DENND5B: variants seen among roughly 807,000 people sequenced by gnomAD.
DENND5B encodes DENN domain-containing protein 5B.
DENND5B carries 34 observed loss-of-function variants against 140.6 expected under a neutral mutation model. The ratio of observed to expected loss-of-function variants is 0.24; its 90% CI spans 0.18 to 0.32. The LOEUF (loss-of-function observed/expected upper bound fraction) is 0.32, where lower values mean the gene tolerates loss of function less well. Ranked by LOEUF, DENND5B falls within the 10% of genes least tolerant of loss-of-function variation. DENND5B has a pLI of 1.00. For missense variants in DENND5B, 1,142 were observed against 1,560.2 expected (o/e 0.73, Z 4.52); for synonymous variants, 551 against 562.1 (o/e 0.98, Z 0.28).
At chr12:31,500,470 A>G in intron 1 of DENND5B, 1 of 436,652 alleles carries the variant, frequency 2.3e-6, no homozygotes, top group South Asian at 1.6e-5. Flanking sequence ...GCTTGAGGTC[A>G]GGAGTTCGAG....
chr12:31,441,700 A>G (rs150575592), intron 7 of DENND5B, among the ~76,000 whole-genome samples: 3 of 151,824 alleles, frequency 2.0e-5, no homozygotes, highest in Admixed American at 2.0e-4. Flanking sequence ...TTTTAATACT[A>G]TTTTTATTTT....
chr12:31,521,881 C>T lies in DENND5B; in HGVS notation c.128-25962G>A, dbSNP rs184386211. Reference sequence around the variant, plus strand: ...TTGCCAAAATCATCTTCTTAATATGCTAATCTGATCATTATAATCCCCTGC... The same window carrying T: ...TTGCCAAAATCATCTTCTTAATATGTTAATCTGATCATTATAATCCCCTGC... On this transcript the variant is annotated intron_variant, in intron 1 of 20. Coordinates refer to ENST00000389082, the MANE Select transcript of DENND5B (RefSeq NM_144973.4). 2.1e-4 allele frequency among the ~76,000 whole-genome samples: 32 copies of T among 152,308 alleles called. No homozygotes were observed. In the East Asian group the frequency reaches 3.9e-3, roughly 18 times the overall value.
chr12:31,587,922 A>G (rs772746371), intron 1 of DENND5B, among the ~76,000 whole-genome samples: 16 of 152,110 alleles, frequency 1.1e-4, no homozygotes, highest in Non-Finnish European at 2.1e-4. Context: ...TCTACCCAAC[A>G]TGGCAGCCAC....
chr12:31,399,432 C>T (rs1345444619), intron 16 of DENND5B, among the ~76,000 whole-genome samples: 1 of 151,716 alleles, frequency 6.6e-6, no homozygotes. Flanking sequence ...GCGTACACCA[C>T]CATGCCCTGC....
chr12:31,474,169 C>T (rs1945684835), intron 3 of DENND5B, among the ~76,000 whole-genome samples: 1 of 152,196 alleles, frequency 6.6e-6, no homozygotes, highest in African/African-American at 2.4e-5. Flanking sequence ...CAGACAAGCA[C>T]TGCAAAGGCA....
rs1945982053 is a variant in DENND5B, at chr12:31,479,718, G to A, written c.775C>T (p.Pro259Ser). 1 of 1,598,134 alleles carries A rather than the reference G, an allele frequency of 6.3e-7. No individual in the cohort carries two copies. Among genetic ancestry groups the A allele is most frequent in the South Asian group, 1.1e-5 (1 of 88,342 alleles). ...GAGAGGGGGAGTTCACTGGGCCCAG[G>A]CCTCTGGCAGATGACAGGTTCATAA... The part of the protein sequence containing the change: ...GVYEPVICQR[P>S]GPSELPLSDY... The change falls in exon 3 of 21, where the codon CCT becomes TCT. Residue 259 changes from proline (P) to serine (S), a missense_variant. By Grantham distance (74) the Pro-to-Ser change is moderately conservative. This residue lies in a region of DENND5B where 708 missense variants were observed against 905.5 expected (regional missense o/e 0.78). Coordinates refer to ENST00000389082, the MANE Select transcript of DENND5B (RefSeq NM_144973.4).
intron 1 of DENND5B, among the ~76,000 whole-genome samples, chr12:31,501,194 G>A (rs1320213140): frequency 5.9e-5 from 9 of 152,186 alleles, no homozygotes; most frequent in South Asian, 2.1e-4. Flanking sequence ...TATGGGGTTG[G>A]TTACCTCCAT....
At position 31,425,188 on chromosome 12, in the gene DENND5B, T is replaced by G. The variant is rs561725218; in HGVS notation, c.2239-501A>C. 4.6e-5 allele frequency among the ~76,000 whole-genome samples: 7 copies of G among 152,326 alleles called. No homozygotes were observed. In the South Asian group the frequency reaches 1.2e-3, roughly 27 times the overall value. On this transcript the variant is annotated intron_variant, in intron 9 of 20. Coordinates refer to ENST00000389082, the MANE Select transcript of DENND5B (RefSeq NM_144973.4). ...TAGCCGGGCAGTAGTGGCACACGCC[T>G]GTAATCCCAGTTATTTGGGAGGCTG...
chr12:31,439,695 CGAGGTGGGCGGATAACCT>C (rs1943939692), intron 7 of DENND5B, among the ~76,000 whole-genome samples: 1 of 151,912 alleles, frequency 6.6e-6, no homozygotes, highest in African/African-American at 2.4e-5. Context: ...TTTGGGAGGC[CGAGGTGGGCGGATAACCT>C]GAGGTCAGGA....
chr12:31,388,847 T>C (rs537428092), intron 20 of DENND5B, among the ~76,000 whole-genome samples: 1 of 152,302 alleles, frequency 6.6e-6, no homozygotes, highest in East Asian at 1.9e-4. Context: ...TATATAAGGT[T>C]TACTTAGTAA....
chr12:31,540,795 C>T (rs1948660539), intron 1 of DENND5B: 1 of 157,960 alleles, frequency 6.3e-6, no homozygotes, highest in Admixed American at 6.5e-5. Context: ...TACCTGACTT[C>T]AAATTATACT....
At chr12:31,388,273 G>A (rs755741912) in intron 20 of DENND5B, among the ~76,000 whole-genome samples, 25 of 146,210 alleles carry the variant, frequency 1.7e-4, no homozygotes, top group Non-Finnish European at 3.1e-4. Flanking sequence ...AACAGGGTGA[G>A]GAACAAAATC....
intron 1 of DENND5B, among the ~76,000 whole-genome samples, chr12:31,578,237 A>G (rs1950092015): frequency 1.3e-5 from 2 of 151,814 alleles, no homozygotes; most frequent in Admixed American, 1.3e-4. Context: ...TTTTATTGTA[A>G]TTTATAAATA....
intron 2 of DENND5B, among the ~76,000 whole-genome samples, chr12:31,485,778 C>T (rs56234529): frequency 0.13 from 20,395 of 151,998 alleles, 1,618 homozygotes; most frequent in Non-Finnish European, 0.18. Flanking sequence ...CCTGGTAACA[C>T]ACTCTGGGAG....
chr12:31,538,171 G>C (rs983752457), intron 1 of DENND5B, among the ~76,000 whole-genome samples: 1 of 152,102 alleles, frequency 6.6e-6, no homozygotes, highest in Non-Finnish European at 1.5e-5. Context: ...GGACCTAATA[G>C]ATACATACAT....
In DENND5B at chr12:31,392,348, C is replaced by T; in HGVS notation, c.3385G>A (p.Ala1129Thr). The T allele has an allele frequency of 1.9e-6, 3 of 1,613,750 alleles. No individual in the cohort carries two copies. In the Admixed American group the frequency reaches 5.0e-5, roughly 27 times the overall value. ...VLLCGENGLVAALEQVFHHGF... is the reference protein window; with the variant it reads ...VLLCGENGLVTALEQVFHHGF... ...TGGTGGAAAACTTGCTCAAGGGCTGCAACCAGGCCATTTTCTCCACACAGC... is the reference window on the plus strand; with the variant it reads ...TGGTGGAAAACTTGCTCAAGGGCTGTAACCAGGCCATTTTCTCCACACAGC... Residue 1129 changes from alanine to threonine, a missense_variant, in exon 19 of 21, where the codon GCA becomes ACA. By Grantham distance (58) the Ala-to-Thr change is moderately conservative (BLOSUM62 0). Transcript: ENST00000389082.
At chr12:31,395,056 G>A (rs903113316) in intron 17 of DENND5B, among the ~76,000 whole-genome samples, 3 of 152,132 alleles carry the variant, frequency 2.0e-5, no homozygotes, top group Non-Finnish European at 4.4e-5. Flanking sequence ...ACCAGTTGAT[G>A]TATATTGGGG....
Position 31,398,346 on chromosome 12 carries a change from A to C in DENND5B, c.3085T>G (p.Trp1029Gly), listed in dbSNP as rs1462895198. ...CCATCATCAATGCCTTTCCCCAGCCACCGCCCACATGGGAATCTGGTAGGA... is the reference window on the plus strand; with the variant it reads ...CCATCATCAATGCCTTTCCCCAGCCCCCGCCCACATGGGAATCTGGTAGGA... ...GHTYRFPCGR[W>G]LGKGIDDGSL... is the part of the protein sequence containing the mutation. The change falls in exon 17 of 21, where the codon TGG (tryptophan) becomes GGG (glycine). Residue 1029 changes from tryptophan (W) to glycine (G), a missense_variant. This residue lies in a region of DENND5B where 268 missense variants were observed against 349.2 expected (regional missense o/e 0.77). Transcript: ENST00000389082. 1 of 1,547,614 alleles carries C rather than the reference A, an allele frequency of 6.5e-7. No individual in the cohort carries two copies. Among genetic ancestry groups the C allele is most frequent in the Non-Finnish European group, 8.7e-7 (1 of 1,146,186 alleles).
intron 14 of DENND5B, among the ~76,000 whole-genome samples, chr12:31,408,582 G>C (rs908363692): frequency 7.7e-6 from 1 of 130,568 alleles, no homozygotes; most frequent in Non-Finnish European, 1.6e-5. Flanking sequence ...AGCTGAGATC[G>C]TGCCACTGCA....
Sources: allele counts gnomAD v4.1 joint callset (sites outside exome capture counted in the v4.1 genomes callset), GRCh38; gene constraint gnomAD v4.1.1; regional missense constraint gnomAD v4.1.1; transcripts MANE v1.5; gene names NCBI Gene and HGNC (gene_info 2026-07-23, HGNC 2026-07-21).